The following ZPBP variants were observed in gnomAD, a reference collection of about 807,000 sequenced individuals.
ZPBP encodes the protein zona pellucida binding protein.
A neutral mutation model predicts 44.8 loss-of-function variants in ZPBP; 26 were observed. That is an observed-to-expected ratio of 0.58 (90% confidence interval 0.43 to 0.81). The LOEUF (loss-of-function observed/expected upper bound fraction) is 0.81. Among genes scored for constraint, ZPBP ranks in the 30% least tolerant of loss-of-function variants. The probability of loss-of-function intolerance (pLI) is 0.00; values close to 1 mark genes in which losing one functional copy is unlikely to be tolerated. For missense variants in ZPBP, 409 were observed against 434.0 expected (o/e 0.94, Z 0.51); for synonymous variants, 174 against 153.2 (o/e 1.14, Z -1.00).
At chr7:50,092,266 T>C (rs1350807067) in intron 1 of ZPBP, among the ~76,000 whole-genome samples, 1 of 152,238 alleles carries the variant, frequency 6.6e-6, no homozygotes, top group African/African-American at 2.4e-5. Flanking sequence ...TATAGAAGAA[T>C]AATCTTTGGA....
chr7:49,961,724 A>G (rs1455773521), intron 7 of ZPBP, among the ~76,000 whole-genome samples: 1 of 152,144 alleles, frequency 6.6e-6, no homozygotes, highest in Admixed American at 6.5e-5. Flanking sequence ...TAATAGCATA[A>G]AATTTTTAAT....
intron 2 of ZPBP, among the ~76,000 whole-genome samples, chr7:50,083,264 C>A (rs1427084552): frequency 1.3e-5 from 2 of 151,814 alleles, no homozygotes; most frequent in African/African-American, 4.8e-5. Context: ...TGCATTAAAC[C>A]ATTTTATAGG....
downstream of ZPBP, among the ~76,000 whole-genome samples, chr7:49,935,104 G>C (rs1794576464): frequency 2.0e-5 from 3 of 152,056 alleles, no homozygotes; most frequent in Admixed American, 1.3e-4. Flanking sequence ...CATCCTACCT[G>C]TTAATAGAAG....
chr7:49,985,918 G>A (rs1183165604), intron 6 of ZPBP, among the ~76,000 whole-genome samples: 3 of 152,214 alleles, frequency 2.0e-5, no homozygotes, highest in Non-Finnish European at 2.9e-5. Context: ...TTCAGCTGGT[G>A]TGTGTGGTGA....
intron 3 of ZPBP, among the ~76,000 whole-genome samples, chr7:50,070,466 G>A (rs952694909): frequency 6.6e-6 from 1 of 152,326 alleles, no homozygotes; most frequent in Admixed American, 6.5e-5. Flanking sequence ...GTTTTCATCC[G>A]GGTGAAGCTC....
chr7:49,979,950 T>C (rs1327176247), intron 7 of ZPBP, among the ~76,000 whole-genome samples: 1 of 112,324 alleles, frequency 8.9e-6, no homozygotes, highest in African/African-American at 3.4e-5. Flanking sequence ...TATAAATATA[T>C]ATTAATATAT....
At chr7:49,986,760 T>C (rs1797300424) in intron 6 of ZPBP, among the ~76,000 whole-genome samples, 1 of 152,210 alleles carries the variant, frequency 6.6e-6, no homozygotes, top group South Asian at 2.1e-4. Flanking sequence ...TAAAGTTTTA[T>C]TTATGAAAAA....
chr7:49,930,316 C>T (rs994080389), intron 1 of ZPBP, among the ~76,000 whole-genome samples: 4 of 152,118 alleles, frequency 2.6e-5, no homozygotes, highest in Non-Finnish European at 5.9e-5. Flanking sequence ...TGTGTAAACC[C>T]GGGAAGGTAT....
intron 7 of ZPBP, among the ~76,000 whole-genome samples, chr7:49,959,093 C>T (rs1286758602): frequency 7.9e-5 from 12 of 151,816 alleles, no homozygotes; most frequent in Admixed American, 5.3e-4. Context: ...TGTTCTTTGT[C>T]GGTTTTCAAA....
At chr7:50,052,503 GA>G (rs1800744003) in intron 4 of ZPBP, among the ~76,000 whole-genome samples, 1 of 152,134 alleles carries the variant, frequency 6.6e-6, no homozygotes. Flanking sequence ...TTGCTGGTGG[GA>G]ATACAAAATG....
intron 4 of ZPBP, among the ~76,000 whole-genome samples, chr7:50,040,373 C>T (rs181242280): frequency 8.5e-5 from 13 of 152,278 alleles, no homozygotes; most frequent in South Asian, 4.2e-4. Context: ...AAGTGGCTGG[C>T]GAGATGGCTG....
chr7:49,923,782 C>G (rs1006643781), intron 1 of ZPBP, among the ~76,000 whole-genome samples: 1 of 152,050 alleles, frequency 6.6e-6, no homozygotes, highest in Non-Finnish European at 1.5e-5. Flanking sequence ...ATAATTTTTT[C>G]AGCTTTCATT....
At chr7:50,007,990 T>C (rs1172870979) in intron 6 of ZPBP, among the ~76,000 whole-genome samples, 1 of 151,918 alleles carries the variant, frequency 6.6e-6, no homozygotes, top group Admixed American at 6.6e-5. Flanking sequence ...TGCCTCTTAT[T>C]TTCAAAACAG....
intron 1 of ZPBP, among the ~76,000 whole-genome samples, chr7:49,927,729 C>T (rs1218012226): frequency 6.6e-6 from 1 of 152,170 alleles, no homozygotes; most frequent in African/African-American, 2.4e-5. Flanking sequence ...CATTCTATTA[C>T]CCCAGATGCT....
intron 6 of ZPBP, among the ~76,000 whole-genome samples, chr7:50,008,551 C>G (rs960539805): frequency 1.3e-5 from 2 of 151,982 alleles, no homozygotes; most frequent in Non-Finnish European, 2.9e-5. Flanking sequence ...TCATGAGACC[C>G]TTACTTGCCC....
chr7:49,925,163 G>A (rs936434760), intron 1 of ZPBP, among the ~76,000 whole-genome samples: 1 of 152,286 alleles, frequency 6.6e-6, no homozygotes, highest in African/African-American at 2.4e-5. Context: ...CTGGTCATAT[G>A]TTCTTTTGTG....
At chr7:50,077,029 T>C (rs758467807) in intron 3 of ZPBP, among the ~76,000 whole-genome samples, 38 of 147,224 alleles carry the variant, frequency 2.6e-4, no homozygotes, top group Non-Finnish European at 3.2e-4. Context: ...CAAAACAACA[T>C]GGTACTAGCA....
At chr7:50,085,983 G>A (rs1802619905) in intron 2 of ZPBP, among the ~76,000 whole-genome samples, 1 of 152,078 alleles carries the variant, frequency 6.6e-6, no homozygotes. Context: ...TGAATGATAA[G>A]GTAGAGTTGC....
intron 1 of ZPBP, among the ~76,000 whole-genome samples, chr7:49,925,272 C>T (rs116652235): frequency 1.8e-4 from 28 of 152,288 alleles, no homozygotes; most frequent in African/African-American, 6.5e-4. Flanking sequence ...ACAGTGAGTA[C>T]GTATACATCC....
Sources: gnomAD v4.1 joint callset for allele counts (sites outside exome capture counted in the v4.1 genomes callset) on GRCh38, gnomAD v4.1.1 for gene constraint, MANE v1.5 for transcripts, NCBI Gene and HGNC (gene_info 2026-07-23, HGNC 2026-07-21) for gene names.